The following CTNNA3 variants were observed in gnomAD, a reference collection of about 807,000 sequenced individuals.
CTNNA3 encodes catenin alpha-3.
CTNNA3 carries 76 observed loss-of-function variants against 95.7 expected under a neutral mutation model. That is an observed-to-expected ratio of 0.79 (90% CI 0.66 to 0.96). The LOEUF (loss-of-function observed/expected upper bound fraction) is 0.96. Ranked by LOEUF, CTNNA3 falls within the 40% of genes least tolerant of loss-of-function variation. The pLI, the probability that CTNNA3 is intolerant of heterozygous loss-of-function variation, is 0.00. For missense variants in CTNNA3, 1,191 were observed against 1,089.8 expected, an observed-to-expected ratio of 1.09 and a Z score of -1.31; for synonymous variants, 431 against 374.4, an observed-to-expected ratio of 1.15 and a Z score of -1.74.
chr10:67,521,739 T>C (rs1441207577), intron 5 of CTNNA3, 103 bp downstream of exon 5: 2 of 1,409,628 alleles, frequency 1.4e-6, no homozygotes, highest in Non-Finnish European at 1.9e-6. Context: ...GCTCTAACCA[T>C]TAGAAGATAA....
intron 15 of CTNNA3, among the ~76,000 whole-genome samples, chr10:66,014,357 C>G (rs1380125760): frequency 6.6e-6 from 1 of 152,096 alleles, no homozygotes; most frequent in Non-Finnish European, 1.5e-5. Context: ...ATTTGCAGCT[C>G]AGTTACTGAG....
chr10:67,142,340 A>AT (rs1564920015), intron 7 of CTNNA3, among the ~76,000 whole-genome samples: 8 of 152,172 alleles, frequency 5.3e-5, no homozygotes, highest in African/African-American at 1.9e-4. Context: ...CCAAAAAAAA[A>AT]ATTTTTTTAA....
intron 5 of CTNNA3, among the ~76,000 whole-genome samples, chr10:67,372,520 A>G (rs1045970197): frequency 8.6e-5 from 13 of 151,888 alleles, no homozygotes; most frequent in African/African-American, 2.9e-4. Context: ...TGAAAGTGAT[A>G]GGGAGAATGG....
intron 5 of CTNNA3, among the ~76,000 whole-genome samples, chr10:67,378,878 T>C (rs1013402042): frequency 5.9e-5 from 9 of 152,190 alleles, no homozygotes; most frequent in Admixed American, 3.3e-4. Context: ...GGCAATTCCA[T>C]TGAAGCATTC....
chr10:67,691,498 C>T (rs1840852008), intron 1 of CTNNA3, among the ~76,000 whole-genome samples: 1 of 151,872 alleles, frequency 6.6e-6, no homozygotes, highest in African/African-American at 2.4e-5. Flanking sequence ...AGCGTCTCTG[C>T]CCGGCCGCCC....
At chr10:66,272,478 G>A (rs1331437152) in intron 13 of CTNNA3, among the ~76,000 whole-genome samples, 1 of 152,124 alleles carries the variant, frequency 6.6e-6, no homozygotes, top group African/African-American at 2.4e-5. Context: ...TGGAGAGAAA[G>A]TGTTCCCTGG....
At chr10:67,729,152 C>A (rs983828995) in intron 1 of CTNNA3, among the ~76,000 whole-genome samples, 1 of 152,080 alleles carries the variant, frequency 6.6e-6, no homozygotes, top group African/African-American at 2.4e-5. Flanking sequence ...AAAGCAGACT[C>A]TGGCCCTTTT....
intron 5 of CTNNA3, among the ~76,000 whole-genome samples, chr10:67,375,200 T>C (rs570124602): frequency 6.6e-6 from 1 of 152,234 alleles, no homozygotes; most frequent in Non-Finnish European, 1.5e-5. Flanking sequence ...AAGTTTTTAA[T>C]GGTAAACACA....
chr10:66,953,581 GT>G (rs1554885541), intron 7 of CTNNA3, among the ~76,000 whole-genome samples: 2 of 151,778 alleles, frequency 1.3e-5, no homozygotes, highest in African/African-American at 2.4e-5. Flanking sequence ...CATGGGTTTT[GT>G]TTTTTTCTAA....
At chr10:67,531,004 T>C (rs1840307994) in intron 4 of CTNNA3, among the ~76,000 whole-genome samples, 1 of 152,190 alleles carries the variant, frequency 6.6e-6, no homozygotes, top group African/African-American at 2.4e-5. Context: ...TGCAAGTGCA[T>C]GGAAGTCAAA....
chr10:65,942,932 C>A (rs747633892), intron 17 of CTNNA3, among the ~76,000 whole-genome samples: 5 of 151,996 alleles, frequency 3.3e-5, no homozygotes, highest in Non-Finnish European at 5.9e-5. Flanking sequence ...GAGATTGCTA[C>A]AATTATTATA....
intron 13 of CTNNA3, among the ~76,000 whole-genome samples, chr10:66,149,762 T>A (rs12220658): frequency 0.18 from 26,551 of 145,994 alleles, 2,781 homozygotes; most frequent in South Asian, 0.43. Flanking sequence ...TTACAGTTCT[T>A]TATAAATTAA....
intron 5 of CTNNA3, among the ~76,000 whole-genome samples, chr10:67,291,060 A>G (rs1336611136): frequency 1.3e-5 from 2 of 152,140 alleles, no homozygotes; most frequent in Non-Finnish European, 1.5e-5. Flanking sequence ...TCAGATGCAC[A>G]AGGATTCACA....
intron 10 of CTNNA3, among the ~76,000 whole-genome samples, chr10:66,529,463 A>C (rs926090909): frequency 9.2e-6 from 1 of 108,720 alleles, no homozygotes; most frequent in African/African-American, 3.2e-5. Context: ...TTTTTTTTTT[A>C]ATAAAAAAAC....
At chr10:65,958,288 AT>A (rs555536364) in intron 17 of CTNNA3, among the ~76,000 whole-genome samples, 3 of 151,678 alleles carry the variant, frequency 2.0e-5, no homozygotes, top group African/African-American at 4.8e-5. Context: ...CATTCGTCAA[AT>A]TTTTTTTCAA....
At chr10:66,682,522 G>C (rs1057336233) in intron 9 of CTNNA3, among the ~76,000 whole-genome samples, 3 of 151,502 alleles carry the variant, frequency 2.0e-5, no homozygotes, top group African/African-American at 7.3e-5. Flanking sequence ...CTACATGTTT[G>C]GTACACAAAC....
At chr10:66,463,423 C>A (rs2093542804) in intron 11 of CTNNA3, among the ~76,000 whole-genome samples, 1 of 152,164 alleles carries the variant, frequency 6.6e-6, no homozygotes, top group Non-Finnish European at 1.5e-5. Context: ...GCTTCTTGTA[C>A]AGCCTGCAGA....
intron 7 of CTNNA3, among the ~76,000 whole-genome samples, chr10:67,095,447 T>C (rs557633789): frequency 3.1e-4 from 47 of 151,896 alleles, no homozygotes; most frequent in Middle Eastern, 3.5e-3. Context: ...ATATGTGGGA[T>C]TTTTAAAACA....
At chr10:67,028,260 G>A (rs1853511074) in intron 7 of CTNNA3, among the ~76,000 whole-genome samples, 1 of 151,944 alleles carries the variant, frequency 6.6e-6, no homozygotes, top group Non-Finnish European at 1.5e-5. Context: ...TTGTTATTTT[G>A]TTTTGTTATT....
Sources: gnomAD v4.1 joint callset for allele counts (sites outside exome capture counted in the v4.1 genomes callset) on GRCh38, gnomAD v4.1.1 for gene constraint, MANE v1.5 for transcripts, NCBI Gene and HGNC (gene_info 2026-07-23, HGNC 2026-07-21) for gene names.